Variants in C8orf34 observed in about 807,000 individuals in gnomAD.
C8orf34 encodes uncharacterized protein C8orf34.
Under a neutral mutation model 68.3 loss-of-function variants are expected in C8orf34, and 65 were observed. That is an observed-to-expected ratio of 0.95 (90% confidence interval 0.78 to 1.17). The LOEUF is 1.17. Among genes scored for constraint, C8orf34 ranks in the 50% most tolerant of loss-of-function variants. The pLI is 0.00. For synonymous variants in C8orf34, 244 were observed against 241.2 expected (o/e 1.01, Z -0.11); for missense variants, 664 against 655.4 (o/e 1.01, Z -0.14).
chr8:68,732,520 CTT>C (rs771909003), intron 10 of C8orf34, among the ~76,000 whole-genome samples: 24 of 151,970 alleles, frequency 1.6e-4, no homozygotes, highest in South Asian at 6.2e-4. Context: ...AAAATAATGA[CTT>C]GTATCATTTC....
intron 12 of C8orf34, among the ~76,000 whole-genome samples, chr8:68,789,163 C>G (rs1409498771): frequency 6.6e-6 from 1 of 152,038 alleles, no homozygotes; most frequent in African/African-American, 2.4e-5. Flanking sequence ...TCTTTTGAGG[C>G]CTTCGAAAAT....
At chr8:68,450,708 TC>T (rs1307167387) in intron 3 of C8orf34, among the ~76,000 whole-genome samples, 1 of 152,116 alleles carries the variant, frequency 6.6e-6, no homozygotes, top group Non-Finnish European at 1.5e-5. Flanking sequence ...CTTAAAATGA[TC>T]AGTAAACCAT....
At chr8:68,711,223 C>T (rs1442192204) in intron 9 of C8orf34, among the ~76,000 whole-genome samples, 1 of 152,102 alleles carries the variant, frequency 6.6e-6, no homozygotes, top group Non-Finnish European at 1.5e-5. Flanking sequence ...TTATAAGGAA[C>T]CAGTAAAACA....
chr8:68,787,044 T>C (rs1476102909), intron 11 of C8orf34, among the ~76,000 whole-genome samples: 1 of 152,214 alleles, frequency 6.6e-6, no homozygotes, highest in Non-Finnish European at 1.5e-5. Flanking sequence ...ATCGAAGATG[T>C]TCTCTAAATC....
intron 10 of C8orf34, among the ~76,000 whole-genome samples, chr8:68,722,629 T>A (rs946530855): frequency 3.1e-4 from 47 of 152,098 alleles, no homozygotes; most frequent in African/African-American, 9.7e-4. Flanking sequence ...ACAGTACTTA[T>A]GATTTCTACT....
intron 8 of C8orf34, among the ~76,000 whole-genome samples, chr8:68,703,264 G>A (rs936334830): frequency 6.6e-6 from 1 of 152,128 alleles, no homozygotes; most frequent in African/African-American, 2.4e-5. Flanking sequence ...TCAATAGAAG[G>A]TGATTAATGA....
At chr8:68,436,608 G>A (rs1481739206) in intron 1 of C8orf34, among the ~76,000 whole-genome samples, 1 of 152,102 alleles carries the variant, frequency 6.6e-6, no homozygotes, top group African/African-American at 2.4e-5. Flanking sequence ...TTGCACTGAT[G>A]GTAAGAATTG....
At chr8:68,340,850 A>G (rs1258802025) in intron 1 of C8orf34, among the ~76,000 whole-genome samples, 1 of 152,214 alleles carries the variant, frequency 6.6e-6, no homozygotes, top group African/African-American at 2.4e-5. Context: ...ACAAAAAAGG[A>G]AAACTACAGA....
chr8:68,532,282 C>T (rs1007251308), intron 6 of C8orf34, among the ~76,000 whole-genome samples: 20 of 152,050 alleles, frequency 1.3e-4, no homozygotes, highest in Non-Finnish European at 2.9e-4. Context: ...CCATCTGATA[C>T]TCAATAATAT....
At chr8:68,426,243 G>A (rs1002627711) in intron 1 of C8orf34, among the ~76,000 whole-genome samples, 12 of 151,864 alleles carry the variant, frequency 7.9e-5, no homozygotes, top group African/African-American at 1.9e-4. Context: ...AAATGGCCGG[G>A]TGCGTGGCTC....
Position 68,445,835 on chromosome 8 carries a change from G to A in C8orf34, c.476-494G>A, listed in dbSNP as rs183896439. Among the ~76,000 whole-genome samples the A allele has an allele frequency of 2.1e-3, 323 of 152,206 alleles. 1 individual carries two copies. Among genetic ancestry groups the A allele is most frequent in the African/African-American group, 7.0e-3 (290 of 41,516 alleles). ...TTTTGACAGAGTCTCTATCACTCAG[G>A]CTGGAGTGCAGTGGCACAGTCTCGG... On this transcript the variant is annotated intron_variant, in intron 2 of 13. Transcript: ENST00000518698.
intron 8 of C8orf34, among the ~76,000 whole-genome samples, chr8:68,698,312 AT>A (rs1159906435): frequency 6.6e-6 from 1 of 152,076 alleles, no homozygotes; most frequent in African/African-American, 2.4e-5. Flanking sequence ...ATCACAATTT[AT>A]TTTTAAGTAT....
intron 9 of C8orf34, among the ~76,000 whole-genome samples, chr8:68,710,040 C>A (rs16934945): frequency 0.074 from 11,264 of 152,074 alleles, 609 homozygotes; most frequent in African/African-American, 0.15. Flanking sequence ...ATAATTGAAA[C>A]CTTCAGCCGT....
chr8:68,469,036 C>T (rs138539796), intron 4 of C8orf34, among the ~76,000 whole-genome samples: 1 of 152,098 alleles, frequency 6.6e-6, no homozygotes, highest in East Asian at 1.9e-4. Context: ...AGCTGTAGAA[C>T]CCCTCATAGC....
At chr8:68,349,547 A>T (rs1806422943) in intron 1 of C8orf34, among the ~76,000 whole-genome samples, 1 of 151,980 alleles carries the variant, frequency 6.6e-6, no homozygotes, top group South Asian at 2.1e-4. Flanking sequence ...TCCAGTAGGA[A>T]TGGCACCAGC....
At chr8:68,471,054 G>T (rs1812358673) in intron 4 of C8orf34, among the ~76,000 whole-genome samples, 2 of 151,990 alleles carry the variant, frequency 1.3e-5, no homozygotes, top group Non-Finnish European at 2.9e-5. Context: ...AGAGATACAG[G>T]TATAGGACAT....
At position 68,787,456 on chromosome 8, in the gene C8orf34, A is replaced by G; in HGVS notation, c.1469A>G (p.Lys490Arg). Reference sequence around the variant, plus strand: ...GTTCTTTTGCAGGATGAATCCTTAAAGCAATTGCAGGTAGTTCATCAACCA... The same window carrying G: ...GTTCTTTTGCAGGATGAATCCTTAAGGCAATTGCAGGTAGTTCATCAACCA... ...KNYMEEDESL[K>R]QLQVVHQPWI... Residue 490 changes from lysine (K) to arginine (R), a missense_variant, in exon 12 of 14, where the codon AAG becomes AGG. Physicochemically the swap from Lys to Arg is conservative, Grantham distance 26. Transcript: ENST00000518698. 6.2e-7 allele frequency: 1 copy of G among 1,611,430 alleles called. No homozygotes were observed. The highest frequency in any genetic ancestry group is 8.5e-7 in the Non-Finnish European group (1 of 1,178,336).
At chr8:68,619,389 G>A (rs912006997) in intron 7 of C8orf34, among the ~76,000 whole-genome samples, 2 of 152,156 alleles carry the variant, frequency 1.3e-5, no homozygotes, top group African/African-American at 4.8e-5. Context: ...TAAATCATGA[G>A]AGGCTTTTGC....
At chr8:68,709,152 A>G (rs1821261182) in intron 9 of C8orf34, 73 bp downstream of exon 9, 4 of 1,096,312 alleles carry the variant, frequency 3.6e-6, no homozygotes, top group African/African-American at 1.6e-5. Flanking sequence ...AAGGAAAAAA[A>G]CTAAACCAAA....
Sources: allele counts gnomAD v4.1 joint callset (sites outside exome capture counted in the v4.1 genomes callset), GRCh38; gene constraint gnomAD v4.1.1; transcripts MANE v1.5; gene names NCBI Gene and HGNC (gene_info 2026-07-23, HGNC 2026-07-21).